Variants in KIF5B observed in about 807,000 individuals in gnomAD.
The protein encoded by KIF5B is kinesin family member 5B.
KIF5B carries 49 observed loss-of-function variants against 132.8 expected under a neutral mutation model. The observed-to-expected ratio is 0.37, with a 90% CI of 0.29 to 0.47. The LOEUF (loss-of-function observed/expected upper bound fraction) is 0.47. Among genes scored for constraint, KIF5B ranks in the 20% least tolerant of loss-of-function variants. The pLI is 1.00. For synonymous variants in KIF5B, 355 were observed against 369.4 expected (o/e 0.96, Z 0.45); for missense variants, 780 against 1,144.0 (o/e 0.68, Z 4.59).
intron 25 of KIF5B, among the ~76,000 whole-genome samples, chr10:32,014,954 G>C (rs544053385): frequency 6.6e-6 from 1 of 151,884 alleles, no homozygotes. Context: ...GAAACCCCTC[G>C]TCTCTACTAA....
intron 2 of KIF5B, among the ~76,000 whole-genome samples, chr10:32,041,145 CAAAA>C (rs35673564): frequency 9.8e-6 from 1 of 101,740 alleles, no homozygotes; most frequent in Non-Finnish European, 2.1e-5. Flanking sequence ...GACTCTGTCT[CAAAA>C]AAAAAAAAAA....
rs34452497 is a variant in KIF5B at position 32,027,613 on chromosome 10, CTT to C, written c.1725+813_1725+814del. Among the ~76,000 whole-genome samples the C allele has an allele frequency of 6.9e-3, 936 of 134,912 alleles. 12 individuals carry two copies. The highest frequency in any genetic ancestry group is 0.023 in the African/African-American group (843 of 36,694). 88.5% of individuals were successfully genotyped at this position (134,912 alleles called of 152,430 possible). The stretch of plus-strand genomic sequence containing the variant: ...TTATAAATTTATTCCCTGAGCTAAT[CTT>C]TTTTTTTTTTTTTTTTCCAGATAGG... On this transcript the variant is annotated intron_variant, in intron 15 of 25. Coordinates refer to ENST00000302418, the MANE Select transcript of KIF5B (RefSeq NM_004521.3).
At chr10:32,039,105 A>G (rs542692111) in intron 4 of KIF5B, among the ~76,000 whole-genome samples, 2 of 152,304 alleles carry the variant, frequency 1.3e-5, no homozygotes, top group South Asian at 4.1e-4. Flanking sequence ...AACCTCCTTT[A>G]TTTTTTGAAG....
At chr10:32,025,521 G>A (rs148842381) in intron 15 of KIF5B, among the ~76,000 whole-genome samples, 57 of 152,238 alleles carry the variant, frequency 3.7e-4, no homozygotes, top group African/African-American at 1.1e-3. Context: ...GACTATAGGC[G>A]TGCACCACTA....
chr10:32,028,517 G>T lies in KIF5B; in HGVS notation c.1636C>A (p.His546Asn). 1 of 1,613,612 alleles carries T rather than the reference G, an allele frequency of 6.2e-7. No individual in the cohort carries two copies. Among genetic ancestry groups the T allele is most frequent in the Non-Finnish European group, 8.5e-7 (1 of 1,179,696 alleles). Residue 546 changes from histidine (H) to asparagine (N), a missense_variant, in exon 15 of 26, where the codon CAC (histidine) becomes AAC (asparagine). His to Asn is a moderately conservative substitution (Grantham distance 68). Coordinates refer to ENST00000302418, the MANE Select transcript of KIF5B (RefSeq NM_004521.3). ...ELQKLKEMTN[H>N]QKKRAAEMMA... Reference sequence around the variant, plus strand: ...ATCTCAGCTGCTCGTTTTTTCTGGTGGTTGGTCATTTCCTTAAGTTTCTGA... The same window carrying T: ...ATCTCAGCTGCTCGTTTTTTCTGGTTGTTGGTCATTTCCTTAAGTTTCTGA...
chr10:32,012,850 G>A, intron 25 of KIF5B, among the ~76,000 whole-genome samples: 1 of 151,846 alleles, frequency 6.6e-6, no homozygotes, highest in Non-Finnish European at 1.5e-5. Context: ...GTAGGAAAAG[G>A]CTTGCATCTA....
In KIF5B at chr10:32,025,994, C is replaced by T. The variant is rs908715751; in HGVS notation, c.1725+2434G>A. 2.0e-5 allele frequency among the ~76,000 whole-genome samples: 3 copies of T among 152,186 alleles called. No homozygotes were observed. The South Asian group carries it at 6.2e-4, about 31-fold the overall frequency. ...AAGAAGTAGAGGTGAATAGCAAAAA[C>T]ACTGGGAATTTGTTAGGGTGGTGTG... On this transcript the variant is annotated intron_variant, in intron 15 of 25. Transcript: ENST00000302418.
In KIF5B at chr10:32,011,455, T is replaced by A. The variant is rs1841079681; in HGVS notation, c.*82A>T. 2 of 152,182 alleles carry A rather than the reference T, an allele frequency of 1.3e-5. No homozygotes were observed. Among genetic ancestry groups the A allele is most frequent in the Non-Finnish European group, 2.9e-5 (2 of 67,926 alleles). 9.4% of individuals were successfully genotyped at this position (152,182 alleles called of 1,614,324 possible). ...TCTACAATCCCAAGGGAGTAGAGGTTATAGTCATTGAATGACTGCTTGATA... is the reference window on the plus strand; with the variant it reads ...TCTACAATCCCAAGGGAGTAGAGGTAATAGTCATTGAATGACTGCTTGATA... On this transcript the variant is annotated 3_prime_UTR_variant, in exon 26 of 26. Coordinates refer to ENST00000302418, the MANE Select transcript of KIF5B (RefSeq NM_004521.3).
At chr10:32,025,492 T>C (rs1841323171) in intron 15 of KIF5B, among the ~76,000 whole-genome samples, 1 of 152,182 alleles carries the variant, frequency 6.6e-6, no homozygotes, top group Non-Finnish European at 1.5e-5. Context: ...TCTCGTGCCT[T>C]AGCCTCCCAA....
Position 32,038,181 on chromosome 10 carries a change from G to A in KIF5B, c.480C>T (p.Asn160=), listed in dbSNP as rs995809743. ...TAAATACCTTTACATAGGGAACTCG[G>A]TTTTTGTCTTCATGAACTGAAAGGT... The part of the protein sequence containing the change: ...KTNLSVHEDK[N]RVPYVKGCTE... The change falls in exon 6 of 26, where the codon AAC becomes AAT. Residue 160 remains asparagine (N), a synonymous_variant. Transcript: ENST00000302418. 6.2e-7 allele frequency: 1 copy of A among 1,605,126 alleles called. No individual in the cohort carries two copies. Among genetic ancestry groups the A allele is most frequent in the Non-Finnish European group, 8.5e-7 (1 of 1,172,610 alleles).
chr10:32,032,049 G>A (rs1044742209), intron 13 of KIF5B, among the ~76,000 whole-genome samples: 2 of 151,424 alleles, frequency 1.3e-5, no homozygotes, highest in Non-Finnish European at 2.9e-5. Context: ...GAACTGCAGG[G>A]ATGCCAAGAG....
intron 1 of KIF5B, among the ~76,000 whole-genome samples, chr10:32,053,409 T>C (rs944726685): frequency 2.0e-5 from 3 of 150,180 alleles, no homozygotes; most frequent in African/African-American, 7.3e-5. Flanking sequence ...TAATGTATTT[T>C]TGGTTACACG....
Position 32,055,892 on chromosome 10 carries a change from T to C in KIF5B, c.82A>G (p.Lys28Glu). The change falls in exon 1 of 26, where the codon AAG becomes GAG. Residue 28 changes from lysine to glutamate, a missense_variant. Lys to Glu is a moderately conservative substitution (Grantham distance 56). Transcript: ENST00000302418. ...LNESEVNRGD[K>E]YIAKFQGEDT... Reference sequence around the variant, plus strand: ...TCTCCCTGAAACTTGGCGATGTACTTGTCGCCGCGGTTCACTTCAGACTCG... The same window carrying C: ...TCTCCCTGAAACTTGGCGATGTACTCGTCGCCGCGGTTCACTTCAGACTCG... 6.2e-7 allele frequency: 1 copy of C among 1,612,978 alleles called. No homozygotes were observed.
chr10:32,045,144 G>C (rs1288774480), intron 2 of KIF5B, among the ~76,000 whole-genome samples: 5 of 152,082 alleles, frequency 3.3e-5, no homozygotes, highest in Non-Finnish European at 7.3e-5. Context: ...AAAACTCTGA[G>C]TATCAGCCTA....
rs534587306 is a variant in KIF5B at position 32,033,479 on chromosome 10, T to C, written c.1305+366A>G. On this transcript the variant is annotated intron_variant, in intron 12 of 25. Coordinates refer to ENST00000302418, the MANE Select transcript of KIF5B (RefSeq NM_004521.3). ...TTAGAGGATCCTTATGAGAATCTAA[T>C]GCCTGATAATCCAAGGTGGAAGTTT... 5.1e-4 allele frequency among the ~76,000 whole-genome samples: 77 copies of C among 152,310 alleles called. No individual in the cohort carries two copies. In the South Asian group the frequency reaches 0.016, roughly 31 times the overall value.
At chr10:32,027,118 C>T (rs1258243468) in intron 15 of KIF5B, among the ~76,000 whole-genome samples, 1 of 152,180 alleles carries the variant, frequency 6.6e-6, no homozygotes, top group East Asian at 1.9e-4. Context: ...GAAATGTGTA[C>T]TCCATATTGA....
At chr10:32,048,157 T>C (rs1329476448) in intron 2 of KIF5B, among the ~76,000 whole-genome samples, 1 of 152,222 alleles carries the variant, frequency 6.6e-6, no homozygotes, top group African/African-American at 2.4e-5. Flanking sequence ...TACTGTTCTC[T>C]TTCTAGAACT....
intron 25 of KIF5B, 66 bp downstream of exon 25, chr10:32,015,443 C>A: frequency 1.3e-5 from 17 of 1,284,318 alleles, no homozygotes; most frequent in Middle Eastern, 2.0e-4. Flanking sequence ...TTTTTAAAAC[C>A]AAAAAACCTA....
chr10:32,055,319 T>C (rs1841739767), intron 1 of KIF5B, among the ~76,000 whole-genome samples: 1 of 152,214 alleles, frequency 6.6e-6, no homozygotes, highest in Non-Finnish European at 1.5e-5. Flanking sequence ...TACCTCTTTT[T>C]GGTGCTTTTT....
Sources: gnomAD v4.1 joint callset for allele counts (sites outside exome capture counted in the v4.1 genomes callset) on GRCh38, gnomAD v4.1.1 for gene constraint, MANE v1.5 for transcripts, NCBI Gene and HGNC (gene_info 2026-07-23, HGNC 2026-07-21) for gene names.